The following PAPOLB variants were observed in gnomAD, a reference collection of about 807,000 sequenced individuals.
The protein encoded by PAPOLB is PAP-beta.
In PAPOLB, 19 loss-of-function variants were observed where a neutral mutation model predicts 23.2. That is an observed-to-expected ratio of 0.82 (90% CI 0.57 to 1.20). The LOEUF (loss-of-function observed/expected upper bound fraction) is 1.20, where lower values mean the gene tolerates loss of function less well. Ranked by LOEUF, PAPOLB falls within the 50% of genes most tolerant of loss-of-function variation. The probability of loss-of-function intolerance (pLI) is 0.00; values close to 1 mark genes in which losing one functional copy is unlikely to be tolerated. For synonymous variants in PAPOLB, 360 were observed against 290.7 expected (o/e 1.24, Z -2.43); for missense variants, 822 against 776.8 (o/e 1.06, Z -0.69).
In PAPOLB at chr7:4,858,286, G is replaced by A. The variant is rs1783884954; in HGVS notation, c.*1611C>T. Reference sequence around the variant, plus strand: ...GCAGAGTTAGAGGAGGGACGGGAGGGGTTAAAGCAAGGCTAATTGGAAAGC... The same window carrying A: ...GCAGAGTTAGAGGAGGGACGGGAGGAGTTAAAGCAAGGCTAATTGGAAAGC... On this transcript the variant is annotated 3_prime_UTR_variant, in exon 1 of 1. Coordinates refer to ENST00000404991, the MANE Select transcript of PAPOLB (RefSeq NM_020144.5). 1 of 152,124 alleles carries A rather than the reference G, an allele frequency of 6.6e-6. No homozygotes were observed. The highest frequency in any genetic ancestry group is 2.4e-5 in the African/African-American group (1 of 41,424). 9.4% of individuals were successfully genotyped at this position (152,124 alleles called of 1,614,324 possible).
At position 4,861,661 on chromosome 7, in the gene PAPOLB, G is replaced by A. The variant is rs367608195; in HGVS notation, c.150C>T (p.Phe50=). Reference sequence around the variant, plus strand: ...GTTCCTCTTCCTCTTCGAAGACCCCGAAGGGCCTGAGGGTTTCTATTAGCC... The same window carrying A: ...GTTCCTCTTCCTCTTCGAAGACCCCAAAGGGCCTGAGGGTTTCTATTAGCC... The part of the protein sequence containing the change: ...TQRLIETLRP[F]GVFEEEEELQ... Residue 50 remains phenylalanine (F), a synonymous_variant, in exon 1 of 1, where the codon TTC becomes TTT. Coordinates refer to ENST00000404991, the MANE Select transcript of PAPOLB (RefSeq NM_020144.5). The A allele has an allele frequency of 1.0e-5, 16 of 1,604,510 alleles. No homozygotes were observed. Among genetic ancestry groups the A allele is most frequent in the Non-Finnish European group, 1.3e-5 (15 of 1,175,370 alleles).
chr7:4,861,765 G>C lies in PAPOLB; in HGVS notation c.46C>G (p.Pro16Ala), dbSNP rs1784008967. The C allele has an allele frequency of 6.7e-7, 1 of 1,485,888 alleles. No individual in the cohort carries two copies. Among genetic ancestry groups the C allele is most frequent in the South Asian group, 1.4e-5 (1 of 69,054 alleles). The allele number at this position is 1,485,888 out of a possible 1,614,324, so 92.0% of individuals were successfully genotyped here. A position where few individuals can be genotyped will look rare whatever the true frequency, so the allele number is the denominator to read the frequency against. ...GAGACGCCGTAGCGATTCGGCGGCG[G>C]CGCCGGCTGCGGTGGTCCCTGGGTT... ...VTTQGPPQPA[P>A]PPNRYGVSSP... Residue 16 changes from proline (P) to alanine (A), a missense_variant, in exon 1 of 1, where the codon CCG (proline) becomes GCG (alanine). Physicochemically the swap from Pro to Ala is conservative, Grantham distance 27 (BLOSUM62 -1). Coordinates refer to ENST00000404991, the MANE Select transcript of PAPOLB (RefSeq NM_020144.5).
chr7:4,861,423 A>T lies in PAPOLB; in HGVS notation c.388T>A (p.Phe130Ile). The T allele has an allele frequency of 6.2e-7, 1 of 1,614,194 alleles. No homozygotes were observed. The highest frequency in any genetic ancestry group is 8.5e-7 in the Non-Finnish European group (1 of 1,180,014). The change falls in exon 1 of 1, where the codon TTT becomes ATT. Residue 130 changes from phenylalanine (F) to isoleucine (I), a missense_variant. By Grantham distance (21) the Phe-to-Ile change is conservative. This residue lies in a region of PAPOLB where 276 missense variants were observed against 243.9 expected (regional missense o/e 1.13). Transcript: ENST00000404991. Reference protein sequence around the residue: ...VAPSHVDRSDFFTSFYAKLKL... With the variant: ...VAPSHVDRSDIFTSFYAKLKL... Reference sequence around the variant, plus strand: ...AGTTTAGCATAGAATGAGGTGAAAAAGTCGCTTCGATCCACATGACTTGGT... The same window carrying T: ...AGTTTAGCATAGAATGAGGTGAAAATGTCGCTTCGATCCACATGACTTGGT...
In PAPOLB at chr7:4,861,860, G is replaced by GTCCCCCACCACCGCGACCTTCC; in HGVS notation, c.-51_-50insGGAAGGTCGCGGTGGTGGGGGA. On this transcript the variant is annotated 5_prime_UTR_variant, in exon 1 of 1. It removes the in-frame stop codon of an upstream open reading frame in the 5' UTR. Coordinates refer to ENST00000404991, the MANE Select transcript of PAPOLB (RefSeq NM_020144.5). ...CACGTCCCCCACCACCGCGACCTTC[G>GTCCCCCACCACCGCGACCTTCC]CGGCCGCCGCCCGGGTCATGATCCG... The GTCCCCCACCACCGCGACCTTCC allele has an allele frequency of 1.8e-6, 1 of 544,562 alleles. No homozygotes were observed. Among genetic ancestry groups the GTCCCCCACCACCGCGACCTTCC allele is most frequent in the Non-Finnish European group, 2.3e-6 (1 of 428,286 alleles). 33.7% of individuals were successfully genotyped at this position (544,562 alleles called of 1,614,324 possible).
Position 4,860,442 on chromosome 7 carries a change from G to A in PAPOLB, c.1369C>T (p.Leu457Phe). ...GTGAAAGACTGGATATCATAGGTGA[G>A]ATCAATGCTGAGAATTTCAGAATTA... The part of the protein sequence containing the change: ...PDNSEILSID[L>F]TYDIQSFTDT... The change falls in exon 1 of 1, where the codon CTC becomes TTC. Residue 457 changes from leucine (L) to phenylalanine (F), a missense_variant. Coordinates refer to ENST00000404991, the MANE Select transcript of PAPOLB (RefSeq NM_020144.5). 6.2e-7 allele frequency: 1 copy of A among 1,614,160 alleles called. No homozygotes were observed. The highest frequency in any genetic ancestry group is 8.5e-7 in the Non-Finnish European group (1 of 1,179,992).
At position 4,860,908 on chromosome 7, in the gene PAPOLB, C is replaced by G; in HGVS notation, c.903G>C (p.Trp301Cys). 6.2e-7 allele frequency: 1 copy of G among 1,614,184 alleles called. No homozygotes were observed. The highest frequency in any genetic ancestry group is 2.2e-5 in the East Asian group (1 of 44,886). The stretch of plus-strand genomic sequence containing the variant: ...TATCACTGGGATTTACTCTTGGGTC[C>G]CATACAGGCAAATTAAGATTCCGTT... ...PEERNLNLPV[W>C]DPRVNPSDRY... Residue 301 changes from tryptophan to cysteine, a missense_variant, in exon 1 of 1, where the codon TGG becomes TGC. Coordinates refer to ENST00000404991, the MANE Select transcript of PAPOLB (RefSeq NM_020144.5).
In PAPOLB at chr7:4,861,804, G is replaced by A. The variant is rs376936354; in HGVS notation, c.7C>T (p.Pro3Ser). The A allele has an allele frequency of 2.8e-5, 41 of 1,452,412 alleles. No individual in the cohort carries two copies. In the African/African-American group the frequency reaches 4.6e-4, roughly 16 times the overall value. The allele number at this position is 1,452,412 out of a possible 1,614,324, so 90.0% of individuals were successfully genotyped here. Residue 3 changes from proline (P) to serine (S), a missense_variant, in exon 1 of 1, where the codon CCG becomes TCG. Around this residue, in one of 3 missense-constraint regions of PAPOLB, gnomAD observed 276 missense variants for 243.9 expected, o/e 1.13. Coordinates refer to ENST00000404991, the MANE Select transcript of PAPOLB (RefSeq NM_020144.5). MMPFPVTTQGPPQ... is the reference protein window; with the variant it reads MMSFPVTTQGPPQ... ...GGTCCCTGGGTTGTCACCGGAAACGGCATCATCTTTCAGCGCCCGCCCCGC... is the reference window on the plus strand; with the variant it reads ...GGTCCCTGGGTTGTCACCGGAAACGACATCATCTTTCAGCGCCCGCCCCGC...
At position 4,860,541 on chromosome 7, in the gene PAPOLB, C is replaced by T; in HGVS notation, c.1270G>A (p.Ala424Thr). ...LAHVNPQSFP[A>T]PKENPDMEEF... ...TCCATATCAGGATTTTCTTTGGGTG[C>T]TGGAAATGACTGTGGATTCACATGT... Residue 424 changes from alanine to threonine, a missense_variant, in exon 1 of 1, where the codon GCA (alanine) becomes ACA (threonine). Transcript: ENST00000404991. The T allele has an allele frequency of 6.2e-7, 1 of 1,614,216 alleles. No individual in the cohort carries two copies. The highest frequency in any genetic ancestry group is 8.5e-7 in the Non-Finnish European group (1 of 1,180,030).
chr7:4,860,251 G>A lies in PAPOLB; in HGVS notation c.1560C>T (p.Asn520=), dbSNP rs115215129. 10 of 1,613,920 alleles carry A rather than the reference G, an allele frequency of 6.2e-6. No homozygotes were observed. The highest frequency in any genetic ancestry group is 3.3e-5 in the South Asian group (3 of 91,082). ...STEGRRLTDL[N]DSSFDLSAGC... is the part of the protein sequence containing the mutation. ...CTGCAGACAAGTCAAAGCTGCTGTC[G>A]TTCAAATCTGTCAATCTTCTACCTT... Residue 520 remains asparagine, a synonymous_variant, in exon 1 of 1, where the codon AAC becomes AAT. Transcript: ENST00000404991.
Position 4,860,725 on chromosome 7 carries a change from G to A in PAPOLB, c.1086C>T (p.Leu362=), listed in dbSNP as rs759081778. Residue 362 remains leucine, a synonymous_variant, in exon 1 of 1, where the codon CTC becomes CTT. Coordinates refer to ENST00000404991, the MANE Select transcript of PAPOLB (RefSeq NM_020144.5). ...TTTGAAAGAAGCTTGGAGCTTCAAA[G>A]AGTTTGGACCACTCTGCCTTACTTA... ...ILLSKAEWSK[L]FEAPSFFQKY... is the part of the protein sequence containing the mutation. 6 of 1,614,118 alleles carry A rather than the reference G, an allele frequency of 3.7e-6. No individual in the cohort carries two copies. The highest frequency in any genetic ancestry group is 1.3e-5 in the African/African-American group (1 of 75,056).
In PAPOLB at chr7:4,861,673, G is replaced by A. The variant is rs1784004007; in HGVS notation, c.138C>T (p.Thr46=). 4.4e-6 allele frequency: 7 copies of A among 1,599,678 alleles called. No individual in the cohort carries two copies. The highest frequency in any genetic ancestry group is 2.7e-5 in the African/African-American group (2 of 74,190). The change falls in exon 1 of 1, where the codon ACC becomes ACT. Residue 46 remains threonine, a synonymous_variant. Transcript: ENST00000404991. ...DCLLTQRLIE[T]LRPFGVFEEE... ...CTTCGAAGACCCCGAAGGGCCTGAG[G>A]GTTTCTATTAGCCTCTGGGTGAGGA...
In PAPOLB at chr7:4,859,959, T is replaced by A. The variant is rs751136080; in HGVS notation, c.1852A>T (p.Thr618Ser). Residue 618 changes from threonine (T) to serine (S), a missense_variant, in exon 1 of 1, where the codon ACA (threonine) becomes TCA (serine). By Grantham distance (58) the Thr-to-Ser change is moderately conservative (BLOSUM62 1). This residue lies in a region of PAPOLB where 534 missense variants were observed against 502.8 expected (regional missense o/e 1.06). Transcript: ENST00000404991. ...KAMVARVVSS[T>S]CLISHPDLQE... is the part of the protein sequence containing the mutation. ...AGGTCTGGATGGCTTATGAGACATGTTGAAGAAACAACTCTGGCGACCATG... is the reference window on the plus strand; with the variant it reads ...AGGTCTGGATGGCTTATGAGACATGATGAAGAAACAACTCTGGCGACCATG... The A allele has an allele frequency of 1.2e-6, 2 of 1,614,012 alleles. No individual in the cohort carries two copies. The highest frequency in any genetic ancestry group is 1.7e-6 in the Non-Finnish European group (2 of 1,179,872).
In PAPOLB at chr7:4,860,824, G is replaced by GC. The variant is rs1288570393; in HGVS notation, c.986_987insG (p.Asn329LysfsTer12). On this transcript the variant is annotated frameshift_variant, in exon 1 of 1. Transcript: ENST00000404991. ...TGACCATCCTGGTTGAAATAGACACGTTGTATGTGGAGTTCTGCTGTGGGT... is the reference window on the plus strand; with the variant it reads ...TGACCATCCTGGTTGAAATAGACACGCTTGTATGTGGAGTTCTGCTGTGGGT... 9 of 1,613,992 alleles carry GC rather than the reference G, an allele frequency of 5.6e-6. No homozygotes were observed. The highest frequency in any genetic ancestry group is 7.6e-6 in the Non-Finnish European group (9 of 1,180,030).
In PAPOLB at chr7:4,859,658, G is replaced by A. The variant is rs2115030961; in HGVS notation, c.*239C>T. 1 of 511,068 alleles carries A rather than the reference G, an allele frequency of 2.0e-6. No individual in the cohort carries two copies. The highest frequency in any genetic ancestry group is 3.5e-6 in the Non-Finnish European group (1 of 285,962). The allele number at this position is 511,068 out of a possible 1,614,324, so 31.7% of individuals were successfully genotyped here. ...CAGATATTGTTCATGGACCCTTGAGGTTGTTTTTAACCATTCAACCTGTTT... is the reference window on the plus strand; with the variant it reads ...CAGATATTGTTCATGGACCCTTGAGATTGTTTTTAACCATTCAACCTGTTT... On this transcript the variant is annotated 3_prime_UTR_variant, in exon 1 of 1. Transcript: ENST00000404991.
chr7:4,861,878 A>G lies in PAPOLB; in HGVS notation c.-68T>C. The G allele has an allele frequency of 8.5e-7, 1 of 1,170,688 alleles. No homozygotes were observed. The allele number at this position is 1,170,688 out of a possible 1,614,324, so 72.5% of individuals were successfully genotyped here. ...GACCTTCGCGGCCGCCGCCCGGGTCATGATCCGCTGAGGCGGAAGGGCAGG... is the reference window on the plus strand; with the variant it reads ...GACCTTCGCGGCCGCCGCCCGGGTCGTGATCCGCTGAGGCGGAAGGGCAGG... On this transcript the variant is annotated 5_prime_UTR_variant, in exon 1 of 1. An upstream start codon of the reference 5' UTR is lost. Coordinates refer to ENST00000404991, the MANE Select transcript of PAPOLB (RefSeq NM_020144.5).
chr7:4,861,939 C>A lies in PAPOLB; in HGVS notation c.-129G>T, dbSNP rs1384686144. 3 of 516,582 alleles carry A rather than the reference C, an allele frequency of 5.8e-6. No homozygotes were observed. The highest frequency in any genetic ancestry group is 3.9e-5 in the Admixed American group (1 of 25,926). The allele number at this position is 516,582 out of a possible 1,614,324, so 32.0% of individuals were successfully genotyped here. A position where few individuals can be genotyped will look rare whatever the true frequency, so the allele number is the denominator to read the frequency against. ...GCCCTGGTCCGACCCCACTCCCACT[C>A]CCGCTGCGCGCCCGCCGCTTCAGGA... On this transcript the variant is annotated 5_prime_UTR_variant, in exon 1 of 1. Transcript: ENST00000404991.
In PAPOLB at chr7:4,860,012, TGA is replaced by T. The variant is rs1169043289; in HGVS notation, c.1797_1798del (p.Gln600AlafsTer42). On this transcript the variant is annotated frameshift_variant, in exon 1 of 1. Coordinates refer to ENST00000404991, the MANE Select transcript of PAPOLB (RefSeq NM_020144.5). ...CTTTGGTGATGGAGAAATGGCAGGC[TGA>T]GAGACAGCGTGAGGAATACTTTCGT... 1.2e-5 allele frequency: 19 copies of T among 1,613,998 alleles called. No homozygotes were observed. Among genetic ancestry groups the T allele is most frequent in the Non-Finnish European group, 1.6e-5 (19 of 1,179,860 alleles).
chr7:4,861,662 A>C lies in PAPOLB; in HGVS notation c.149T>G (p.Phe50Cys). The C allele has an allele frequency of 6.2e-7, 1 of 1,604,720 alleles. No individual in the cohort carries two copies. ...TTCCTCTTCCTCTTCGAAGACCCCG[A>C]AGGGCCTGAGGGTTTCTATTAGCCT... is the stretch of plus-strand genomic sequence containing the variant. ...TQRLIETLRP[F>C]GVFEEEEELQ... Residue 50 changes from phenylalanine to cysteine, a missense_variant, in exon 1 of 1, where the codon TTC (phenylalanine) becomes TGC (cysteine). Physicochemically the swap from Phe to Cys is radical, Grantham distance 205 (BLOSUM62 -2). Coordinates refer to ENST00000404991, the MANE Select transcript of PAPOLB (RefSeq NM_020144.5).
chr7:4,859,489 C>G lies in PAPOLB; in HGVS notation c.*408G>C, dbSNP rs1051111502. The G allele has an allele frequency of 5.8e-5, 10 of 173,758 alleles. No individual in the cohort carries two copies. The highest frequency in any genetic ancestry group is 2.4e-4 in the African/African-American group (10 of 41,818). The allele number at this position is 173,758 out of a possible 1,614,324, so 10.8% of individuals were successfully genotyped here. On this transcript the variant is annotated 3_prime_UTR_variant, in exon 1 of 1. Transcript: ENST00000404991. ...GATACATTAATAACAGTACCTCTAGCTGTCACATACTAATGTGGACTTCTG... is the reference window on the plus strand; with the variant it reads ...GATACATTAATAACAGTACCTCTAGGTGTCACATACTAATGTGGACTTCTG...
Sources: allele counts gnomAD v4.1 joint callset, GRCh38; gene constraint gnomAD v4.1.1; regional missense constraint gnomAD v4.1.1; transcripts MANE v1.5; gene names NCBI Gene and HGNC (gene_info 2026-07-23, HGNC 2026-07-21).